Variants in KANK4 observed in about 807,000 individuals in gnomAD.
KANK4 encodes KN motif and ankyrin repeat domains 4.
In KANK4, 50 loss-of-function variants were observed where a neutral mutation model predicts 80.8. The observed-to-expected ratio is 0.62, with a 90% CI of 0.49 to 0.78. The LOEUF is 0.78. Ranked by LOEUF, KANK4 falls within the 30% of genes least tolerant of loss-of-function variation. The probability of loss-of-function intolerance (pLI) is 0.00; values close to 1 mark genes in which losing one functional copy is unlikely to be tolerated. For missense variants in KANK4, 1,196 were observed against 1,240.1 expected (o/e 0.96, Z 0.53); for synonymous variants, 465 against 506.9 (o/e 0.92, Z 1.11).
intron 1 of KANK4, among the ~76,000 whole-genome samples, chr1:62,283,002 G>A (rs1245542955): frequency 6.6e-6 from 1 of 152,196 alleles, no homozygotes; most frequent in African/African-American, 2.4e-5. Flanking sequence ...GGCAGACGGT[G>A]GAGAGGTGTG....
intron 9 of KANK4, among the ~76,000 whole-genome samples, chr1:62,242,651 G>C (rs1373021192): frequency 6.6e-6 from 1 of 152,120 alleles, no homozygotes; most frequent in East Asian, 1.9e-4. Flanking sequence ...AAAGGGCCTG[G>C]CCAGCTGTTC....
intron 2 of KANK4, 37 bp downstream of exon 2, chr1:62,281,512 T>G: frequency 6.2e-7 from 1 of 1,613,952 alleles, no homozygotes. Flanking sequence ...GCCCAAGTGC[T>G]TATCTTAAAC....
intron 1 of KANK4, among the ~76,000 whole-genome samples, chr1:62,302,702 G>A (rs958673026): frequency 2.0e-5 from 3 of 152,128 alleles, no homozygotes; most frequent in African/African-American, 4.8e-5. Flanking sequence ...TCCCCCAGAC[G>A]TGGAATCTGC....
intron 1 of KANK4, among the ~76,000 whole-genome samples, chr1:62,309,609 A>T (rs1329383757): frequency 1.3e-5 from 2 of 152,224 alleles, no homozygotes; most frequent in African/African-American, 4.8e-5. Context: ...ACTAGTTATT[A>T]TGTGCCAAGG....
At chr1:62,261,862 C>T (rs1180625946) in intron 7 of KANK4, among the ~76,000 whole-genome samples, 1 of 152,180 alleles carries the variant, frequency 6.6e-6, no homozygotes, top group Non-Finnish European at 1.5e-5. Context: ...TGGAGCCCTA[C>T]CTGCTCCAGT....
chr1:62,273,125 G>T, intron 3 of KANK4, 79 bp downstream of exon 3: 1 of 1,036,058 alleles, frequency 9.7e-7, no homozygotes, highest in Non-Finnish European at 1.4e-6. Flanking sequence ...TAATATAATT[G>T]AAAACCTTGT....
intron 1 of KANK4, among the ~76,000 whole-genome samples, chr1:62,292,350 G>T (rs528783871): frequency 1.3e-5 from 2 of 152,126 alleles, no homozygotes; most frequent in Non-Finnish European, 2.9e-5. Context: ...CACGCAGGAG[G>T]TATGGCAAGT....
intron 1 of KANK4, among the ~76,000 whole-genome samples, chr1:62,286,036 A>G (rs567363921): frequency 3.3e-4 from 50 of 152,370 alleles, no homozygotes; most frequent in African/African-American, 1.2e-3. Context: ...CCTGGCAAAC[A>G]GAGATGAGTC....
At chr1:62,308,888 G>A (rs1194153022) in intron 1 of KANK4, among the ~76,000 whole-genome samples, 2 of 152,166 alleles carry the variant, frequency 1.3e-5, no homozygotes, top group Non-Finnish European at 2.9e-5. Flanking sequence ...TGGGGTGGAG[G>A]AGCAGGGTCC....
chr1:62,275,320 A>G (rs377016100), intron 2 of KANK4, among the ~76,000 whole-genome samples: 22 of 152,138 alleles, frequency 1.4e-4, no homozygotes, highest in Admixed American at 9.8e-4. Flanking sequence ...GGGAGAGGGA[A>G]TGGTTTCCAA....
intron 1 of KANK4, among the ~76,000 whole-genome samples, chr1:62,304,022 C>T (rs1269047775): frequency 6.6e-6 from 1 of 151,942 alleles, no homozygotes; most frequent in Non-Finnish European, 1.5e-5. Context: ...TACAGGCACA[C>T]ACCACCATGC....
At chr1:62,264,883 G>A (rs1671982161) in intron 6 of KANK4, among the ~76,000 whole-genome samples, 1 of 152,212 alleles carries the variant, frequency 6.6e-6, no homozygotes, top group African/African-American at 2.4e-5. Context: ...CCAGGCTGGA[G>A]TGCAGTTGTA....
chr1:62,261,152 CTTTTTTTTTTT>C (rs11322195), intron 7 of KANK4, among the ~76,000 whole-genome samples: 2 of 68,386 alleles, frequency 2.9e-5, no homozygotes, highest in Non-Finnish European at 5.5e-5. Context: ...CTCCCAATGG[CTTTTTTTTTTT>C]TTTTTTTTTT....
intron 7 of KANK4, among the ~76,000 whole-genome samples, chr1:62,259,212 AAAG>A (rs1197203889): frequency 2.6e-5 from 4 of 152,174 alleles, no homozygotes; most frequent in African/African-American, 9.7e-5. Context: ...AGGCCTCCTA[AAAG>A]AAGAGTTATG....
chr1:62,248,405 G>T (rs1314541948), intron 8 of KANK4, among the ~76,000 whole-genome samples: 1 of 152,080 alleles, frequency 6.6e-6, no homozygotes, highest in East Asian at 1.9e-4. Context: ...GTCTTGCTGT[G>T]TTACCCAGGC....
chr1:62,285,375 G>C (rs1218171510), intron 1 of KANK4, among the ~76,000 whole-genome samples: 1 of 152,150 alleles, frequency 6.6e-6, no homozygotes, highest in African/African-American at 2.4e-5. Flanking sequence ...GGTTTCCCCA[G>C]GTAAGCCCAA....
chr1:62,275,901 A>C (rs1672302276), intron 2 of KANK4, among the ~76,000 whole-genome samples: 3 of 139,134 alleles, frequency 2.2e-5, no homozygotes, highest in Non-Finnish European at 3.1e-5. Flanking sequence ...AGGAAGGGGA[A>C]GGGGAAGGGG....
At chr1:62,317,607 C>G (rs1013293283) in intron 1 of KANK4, among the ~76,000 whole-genome samples, 4 of 152,372 alleles carry the variant, frequency 2.6e-5, no homozygotes, top group Non-Finnish European at 4.4e-5. Context: ...CTAACCCACT[C>G]TGCTACTCAC....
chr1:62,317,519 G>C (rs1644551729), intron 1 of KANK4, among the ~76,000 whole-genome samples: 2 of 152,200 alleles, frequency 1.3e-5, no homozygotes, highest in Non-Finnish European at 2.9e-5. Context: ...GACTGGACCA[G>C]TCAATGGGAT....
Sources: allele counts gnomAD v4.1 joint callset (sites outside exome capture counted in the v4.1 genomes callset), GRCh38; gene constraint gnomAD v4.1.1; transcripts MANE v1.5; gene names NCBI Gene and HGNC (gene_info 2026-07-23, HGNC 2026-07-21).